SLC23A2: variants seen among roughly 807,000 people sequenced by gnomAD.
SLC23A2 encodes the protein Na(+)/L-ascorbic acid transporter 2.
SLC23A2 carries 36 observed loss-of-function variants against 73.3 expected under a neutral mutation model. The ratio of observed to expected loss-of-function variants is 0.49; its 90% CI spans 0.38 to 0.65. The LOEUF is 0.65. SLC23A2 is among the 30% of genes least tolerant of loss of function. SLC23A2 has a pLI of 0.00. For synonymous variants in SLC23A2, 343 were observed against 327.3 expected (o/e 1.05, Z -0.52); for missense variants, 507 against 841.6 (o/e 0.60, Z 4.92).
At chr20:4,928,193 C>T (rs958670487) in intron 3 of SLC23A2, among the ~76,000 whole-genome samples, 4 of 152,104 alleles carry the variant, frequency 2.6e-5, no homozygotes, top group African/African-American at 9.7e-5. Flanking sequence ...GCATGCACCA[C>T]CACGTCCAGC....
At chr20:5,009,436 T>C (rs1568667959) in intron 1 of SLC23A2, among the ~76,000 whole-genome samples, 1 of 152,188 alleles carries the variant, frequency 6.6e-6, no homozygotes, top group African/African-American at 2.4e-5. Flanking sequence ...GGTGCAAGTA[T>C]ACTCCCTCCA....
At chr20:4,989,869 C>A (rs2087897576) in intron 1 of SLC23A2, among the ~76,000 whole-genome samples, 1 of 152,100 alleles carries the variant, frequency 6.6e-6, no homozygotes, top group African/African-American at 2.4e-5. Flanking sequence ...AAAATAAGAA[C>A]AACAGAGTTT....
intron 2 of SLC23A2, among the ~76,000 whole-genome samples, chr20:4,950,877 C>T (rs6107556): frequency 2.0e-5 from 3 of 152,152 alleles, no homozygotes; most frequent in Admixed American, 6.5e-5. Context: ...GTAAGTATTC[C>T]TCATTCACAG....
At chr20:4,934,076 G>T (rs1453395787) in intron 2 of SLC23A2, among the ~76,000 whole-genome samples, 2 of 152,256 alleles carry the variant, frequency 1.3e-5, no homozygotes, top group Non-Finnish European at 2.9e-5. Context: ...GCCAGAACGT[G>T]AAGTTCCATG....
At chr20:4,913,036 G>T (rs1365142953) in intron 3 of SLC23A2, 58 bp from the exon 4 acceptor site, 4 of 1,140,640 alleles carry the variant, frequency 3.5e-6, no homozygotes, top group East Asian at 2.3e-5. Flanking sequence ...TCCTCCCCCC[G>T]AAAGCCATTT....
chr20:4,955,913 G>A (rs1036467335), intron 2 of SLC23A2, among the ~76,000 whole-genome samples: 3 of 151,610 alleles, frequency 2.0e-5, no homozygotes, highest in African/African-American at 7.3e-5. Flanking sequence ...GGTTACGGGT[G>A]TTTCTTTTTG....
At chr20:4,951,242 G>A (rs1191202289) in intron 2 of SLC23A2, among the ~76,000 whole-genome samples, 1 of 152,170 alleles carries the variant, frequency 6.6e-6, no homozygotes, top group Non-Finnish European at 1.5e-5. Flanking sequence ...GAGGAAACAA[G>A]ATTGACAATT....
chr20:4,926,799 G>A (rs1375942597), intron 3 of SLC23A2, among the ~76,000 whole-genome samples: 1 of 151,858 alleles, frequency 6.6e-6, no homozygotes, highest in Non-Finnish European at 1.5e-5. Context: ...ATGTTTGTGT[G>A]GGTGTTTTGT....
chr20:4,942,670 T>C (rs764796651), intron 2 of SLC23A2, among the ~76,000 whole-genome samples: 1 of 152,076 alleles, frequency 6.6e-6, no homozygotes, highest in African/African-American at 2.4e-5. Flanking sequence ...GGAAACAGAG[T>C]CACCCCTCTC....
At chr20:4,951,162 A>G (rs1233740266) in intron 2 of SLC23A2, among the ~76,000 whole-genome samples, 1 of 152,250 alleles carries the variant, frequency 6.6e-6, no homozygotes, top group Non-Finnish European at 1.5e-5. Flanking sequence ...AGAAAATTTA[A>G]AACAAAAACA....
intron 1 of SLC23A2, among the ~76,000 whole-genome samples, chr20:4,984,464 A>T (rs1360686089): frequency 6.6e-6 from 1 of 151,376 alleles, no homozygotes; most frequent in Non-Finnish European, 1.5e-5. Context: ...GACGCAGGAG[A>T]ATGGCATGAA....
chr20:4,950,980 A>G (rs546390109), intron 2 of SLC23A2, among the ~76,000 whole-genome samples: 2 of 152,182 alleles, frequency 1.3e-5, no homozygotes, highest in African/African-American at 4.8e-5. Context: ...GTTGGGAGCC[A>G]GGTGCTTCAA....
intron 1 of SLC23A2, among the ~76,000 whole-genome samples, chr20:4,975,759 T>A (rs1036745926): frequency 1.3e-5 from 2 of 151,878 alleles, no homozygotes; most frequent in Non-Finnish European, 2.9e-5. Flanking sequence ...CTTTGATCCA[T>A]GTGTCTACAG....
At chr20:4,867,348 TC>T (rs1930244021) in intron 13 of SLC23A2, among the ~76,000 whole-genome samples, 1 of 152,176 alleles carries the variant, frequency 6.6e-6, no homozygotes, top group African/African-American at 2.4e-5. Flanking sequence ...GGTCACCTGA[TC>T]ACCCTCTCCC....
chr20:4,890,750 AC>A (rs1178216497), intron 6 of SLC23A2, among the ~76,000 whole-genome samples: 1 of 152,176 alleles, frequency 6.6e-6, no homozygotes, highest in African/African-American at 2.4e-5. Context: ...CCATCCATCG[AC>A]CTGCTGAACT....
rs1463808490 is a variant in SLC23A2, at chr20:4,863,291, A to ACCAAACCC, written c.1357-392_1357-385dup. Among the ~76,000 whole-genome samples the ACCAAACCC allele has an allele frequency of 1.3e-5, 2 of 152,136 alleles. No individual in the cohort carries two copies. Among genetic ancestry groups the ACCAAACCC allele is most frequent in the African/African-American group, 4.8e-5 (2 of 41,432 alleles). On this transcript the variant is annotated intron_variant, in intron 13 of 16. Transcript: ENST00000338244. The surrounding 1 kb of genome is among the most constrained non-coding windows in gnomAD (Gnocchi z 4.8). ...CCAACTTCCCCACACCGGAAATCAG[A>ACCAAACCC]CCAAACCCCCAGACATGTCTGGAAC...
At position 4,958,192 on chromosome 20, in the gene SLC23A2, G is replaced by A. The variant is rs556058735; in HGVS notation, c.-155+12601C>T. ...GTAAAGCATCACTGCACTGGCATCC[G>A]TGCCCCTCACTGGAGACCATGCATG... On this transcript the variant is annotated intron_variant, in intron 2 of 16. Transcript: ENST00000338244. 3.3e-5 allele frequency among the ~76,000 whole-genome samples: 5 copies of A among 152,334 alleles called. No homozygotes were observed. The South Asian group carries it at 8.3e-4, about 25-fold the overall frequency.
At chr20:4,971,299 AACAC>A (rs35758430) in intron 1 of SLC23A2, among the ~76,000 whole-genome samples, 20,015 of 142,294 alleles carry the variant, frequency 0.14, 1,445 homozygotes, top group Middle Eastern at 0.3. Flanking sequence ...GTCTCTACAA[AACAC>A]ACACACACAC....
At chr20:4,944,810 C>T (rs1310459423) in intron 2 of SLC23A2, among the ~76,000 whole-genome samples, 1 of 152,166 alleles carries the variant, frequency 6.6e-6, no homozygotes, top group Non-Finnish European at 1.5e-5. Flanking sequence ...TTTCAAAAGC[C>T]AATCCATGGC....
Sources: gnomAD v4.1 joint callset for allele counts (sites outside exome capture counted in the v4.1 genomes callset) on GRCh38, gnomAD v4.1.1 for gene constraint, Gnocchi (gnomAD v3.1) non-coding constraint, MANE v1.5 for transcripts, NCBI Gene and HGNC (gene_info 2026-07-23, HGNC 2026-07-21) for gene names.